The following DLG2 variants were observed in gnomAD, a reference collection of about 807,000 sequenced individuals.
The protein encoded by DLG2 is disks large homolog 2.
DLG2 carries 45 observed loss-of-function variants against 132.5 expected under a neutral mutation model. That is an observed-to-expected ratio of 0.34 (90% CI 0.27 to 0.44). The LOEUF (loss-of-function observed/expected upper bound fraction) is 0.44. Among genes scored for constraint, DLG2 ranks in the 20% least tolerant of loss-of-function variants. DLG2 has a pLI of 1.00. For missense variants in DLG2, 1,045 were observed against 1,196.9 expected (o/e 0.87, Z 1.87); for synonymous variants, 424 against 419.6 (o/e 1.01, Z -0.13).
chr11:84,017,358 T>C (rs939098708), intron 11 of DLG2, among the ~76,000 whole-genome samples: 2 of 151,998 alleles, frequency 1.3e-5, no homozygotes, highest in African/African-American at 4.8e-5. Context: ...TTGAAACCAA[T>C]GTTATATATA....
chr11:85,085,715 T>A (rs2067834618), intron 6 of DLG2, among the ~76,000 whole-genome samples: 2 of 152,144 alleles, frequency 1.3e-5, no homozygotes, highest in African/African-American at 4.8e-5. Flanking sequence ...TTTACTTCCA[T>A]CTTAACTCTT....
intron 6 of DLG2, among the ~76,000 whole-genome samples, chr11:85,065,956 A>C (rs1232304169): frequency 1.3e-5 from 2 of 151,658 alleles, no homozygotes; most frequent in African/African-American, 4.8e-5. Context: ...AGAAAGAATA[A>C]AGATCAGAGC....
intron 7 of DLG2, among the ~76,000 whole-genome samples, chr11:84,377,409 T>C (rs577443669): frequency 1.3e-5 from 2 of 151,954 alleles, no homozygotes; most frequent in Non-Finnish European, 2.9e-5. Flanking sequence ...AAACCAACCA[T>C]AAAATGACAT....
At chr11:85,077,388 C>A (rs2066682647) in intron 6 of DLG2, among the ~76,000 whole-genome samples, 1 of 151,868 alleles carries the variant, frequency 6.6e-6, no homozygotes, top group Non-Finnish European at 1.5e-5. Flanking sequence ...GTGATAGGAA[C>A]AAATTTAGAC....
chr11:83,601,359 G>C (rs1427271158), intron 19 of DLG2, among the ~76,000 whole-genome samples: 2 of 152,218 alleles, frequency 1.3e-5, no homozygotes, highest in Non-Finnish European at 2.9e-5. Flanking sequence ...GATGTATGTA[G>C]CTACCCTGTG....
Position 84,496,500 on chromosome 11 carries a change from C to T in DLG2, c.519+38070G>A, listed in dbSNP as rs144329297. Among the ~76,000 whole-genome samples, 765 of 152,172 alleles carry T rather than the reference C, an allele frequency of 5.0e-3. 9 individuals are homozygous for T. The highest frequency in any genetic ancestry group is 0.01 in the Middle Eastern group (3 of 294). On this transcript the variant is annotated intron_variant, in intron 7 of 27. Coordinates refer to ENST00000376104, the MANE Select transcript of DLG2 (RefSeq NM_001142699.3). ...CTTTTATGGTGTGCATATGTCATGC[C>T]AGGCACTGTACTAAATTCCTTAGAA... is the stretch of plus-strand genomic sequence containing the variant.
chr11:83,800,689 A>G (rs930248951), intron 17 of DLG2, among the ~76,000 whole-genome samples: 11 of 152,310 alleles, frequency 7.2e-5, no homozygotes, highest in African/African-American at 2.6e-4. Flanking sequence ...ACCTTTAAAA[A>G]TGTTTTGGAT....
chr11:84,103,305 T>A (rs2092675048), intron 9 of DLG2, among the ~76,000 whole-genome samples: 1 of 152,120 alleles, frequency 6.6e-6, no homozygotes, highest in Non-Finnish European at 1.5e-5. Flanking sequence ...CTGAATCACT[T>A]CAATCCCCTG....
At chr11:84,042,564 G>A (rs916452148) in intron 11 of DLG2, among the ~76,000 whole-genome samples, 1 of 151,296 alleles carries the variant, frequency 6.6e-6, no homozygotes, top group African/African-American at 2.4e-5. Flanking sequence ...ATGTCTCTTG[G>A]TAGCATTTGA....
At chr11:84,264,462 GA>G (rs2097585962) in intron 7 of DLG2, among the ~76,000 whole-genome samples, 1 of 152,176 alleles carries the variant, frequency 6.6e-6, no homozygotes, top group African/African-American at 2.4e-5. Context: ...TTAACATAAA[GA>G]AGGAGGAATA....
intron 6 of DLG2, among the ~76,000 whole-genome samples, chr11:84,868,268 C>G (rs2084935619): frequency 6.6e-6 from 1 of 151,284 alleles, no homozygotes; most frequent in Non-Finnish European, 1.5e-5. Flanking sequence ...ATAAGGCTAT[C>G]AAGTCTCCTC....
At chr11:83,461,842 G>C in intron 27 of DLG2, 160 bp downstream of exon 27, 1 of 578,466 alleles carries the variant, frequency 1.7e-6, no homozygotes, top group Non-Finnish European at 3.1e-6. Flanking sequence ...ACATCAAAAT[G>C]GGTGAAGCAG....
At chr11:85,125,724 A>G (rs966885197) in intron 5 of DLG2, among the ~76,000 whole-genome samples, 1 of 152,088 alleles carries the variant, frequency 6.6e-6, no homozygotes, top group African/African-American at 2.4e-5. Flanking sequence ...CCTCATCTTT[A>G]AGATATGAAG....
intron 11 of DLG2, among the ~76,000 whole-genome samples, chr11:84,021,993 C>T (rs1348236325): frequency 1.3e-5 from 2 of 152,050 alleles, no homozygotes; most frequent in Non-Finnish European, 2.9e-5. Context: ...ATGATCTGCC[C>T]GCCTCGGCTT....
intron 18 of DLG2, among the ~76,000 whole-genome samples, chr11:83,638,588 T>C (rs1397940585): frequency 6.6e-6 from 1 of 152,126 alleles, no homozygotes; most frequent in African/African-American, 2.4e-5. Flanking sequence ...CTGAGTAAAA[T>C]GGAAACCTGT....
At chr11:83,511,423 C>T (rs898656160) in intron 21 of DLG2, among the ~76,000 whole-genome samples, 1 of 152,150 alleles carries the variant, frequency 6.6e-6, no homozygotes, top group Non-Finnish European at 1.5e-5. Context: ...TCTCAAGTCT[C>T]ATGTCAGTGG....
intron 6 of DLG2, chr11:85,021,185 C>G: frequency 5.9e-6 from 6 of 1,010,638 alleles, no homozygotes; most frequent in Non-Finnish European, 9.5e-6. Flanking sequence ...CCAGCTTTTT[C>G]CCTTCGTGAG....
intron 3 of DLG2, among the ~76,000 whole-genome samples, chr11:85,295,681 A>G (rs980498124): frequency 6.6e-6 from 1 of 152,190 alleles, no homozygotes; most frequent in East Asian, 1.9e-4. Context: ...AGTATATTTT[A>G]TTGTCAAACG....
chr11:84,807,207 A>G (rs1202901381), intron 6 of DLG2, among the ~76,000 whole-genome samples: 1 of 152,216 alleles, frequency 6.6e-6, no homozygotes. Context: ...GCACTTTGGG[A>G]GACCAAGGCA....
Sources: gnomAD v4.1 joint callset for allele counts (sites outside exome capture counted in the v4.1 genomes callset) on GRCh38, gnomAD v4.1.1 for gene constraint, MANE v1.5 for transcripts, NCBI Gene and HGNC (gene_info 2026-07-23, HGNC 2026-07-21) for gene names.